The following NRDC variants were observed in gnomAD, a reference collection of about 807,000 sequenced individuals.
The protein encoded by NRDC is nardilysin convertase.
A neutral mutation model predicts 147.1 loss-of-function variants in NRDC; 54 were observed. The ratio of observed to expected loss-of-function variants is 0.37; its 90% CI spans 0.29 to 0.46. The LOEUF (loss-of-function observed/expected upper bound fraction) is 0.46. NRDC is among the 20% of genes least tolerant of loss of function. NRDC has a pLI of 1.00. For missense variants in NRDC, 1,082 were observed against 1,370.6 expected (o/e 0.79, Z 3.33); for synonymous variants, 440 against 482.1 (o/e 0.91, Z 1.14).
intron 1 of NRDC, among the ~76,000 whole-genome samples, chr1:51,841,608 C>T (rs1218995568): frequency 1.3e-5 from 2 of 152,188 alleles, no homozygotes; most frequent in Non-Finnish European, 2.9e-5. Flanking sequence ...CATTCAGCCC[C>T]ATTTATACTA....
intron 4 of NRDC, among the ~76,000 whole-genome samples, chr1:51,829,739 G>C (rs192494374): frequency 2.0e-5 from 3 of 151,720 alleles, no homozygotes; most frequent in African/African-American, 4.8e-5. Context: ...GCTATATTTG[G>C]GTTATATATG....
Position 51,834,034 on chromosome 1 carries a change from G to A in NRDC, c.849C>T (p.Phe283=). Residue 283 remains phenylalanine (F), a synonymous_variant, in exon 4 of 31, where the codon TTC becomes TTT. Transcript: ENST00000352171. ...TTAGTTACCTATCAAGAGCTTCCTT[G>A]AAGTACTTCCTCTGGACATCAAACT... ...VFQFDVQRKY[F]KEALDRWAQF... 6.2e-7 allele frequency: 1 copy of A among 1,613,918 alleles called. No homozygotes were observed. Among genetic ancestry groups the A allele is most frequent in the Non-Finnish European group, 8.5e-7 (1 of 1,179,908 alleles).
intron 6 of NRDC, 74 bp downstream of exon 6, chr1:51,825,213 A>G: frequency 2.9e-6 from 3 of 1,033,804 alleles, no homozygotes; most frequent in Non-Finnish European, 4.3e-6. Flanking sequence ...ATAATTTTCA[A>G]TTCTTTATCA....
intron 1 of NRDC, among the ~76,000 whole-genome samples, chr1:51,848,153 T>C (rs1681746552): frequency 6.6e-6 from 1 of 152,006 alleles, no homozygotes; most frequent in South Asian, 2.1e-4. Context: ...TCCTAATAAA[T>C]GAAAAAAGAT....
chr1:51,813,571 C>T (rs889275112), intron 14 of NRDC, among the ~76,000 whole-genome samples: 3 of 152,182 alleles, frequency 2.0e-5, no homozygotes, highest in Non-Finnish European at 4.4e-5. Context: ...GCTTGGATTA[C>T]AGGCATGAGC....
At chr1:51,825,783 G>A (rs540890923) in intron 5 of NRDC, among the ~76,000 whole-genome samples, 154 of 152,304 alleles carry the variant, frequency 1.0e-3, no homozygotes, top group African/African-American at 3.6e-3. Context: ...AATAAAGTAT[G>A]ATGGCTAAGA....
At chr1:51,866,520 A>C (rs893312804) in intron 1 of NRDC, among the ~76,000 whole-genome samples, 1 of 152,196 alleles carries the variant, frequency 6.6e-6, no homozygotes, top group African/African-American at 2.4e-5. Flanking sequence ...AAAAGAAAAA[A>C]GCTAAATTGT....
chr1:51,875,517 G>C (rs1056564586), intron 1 of NRDC, among the ~76,000 whole-genome samples: 4 of 152,106 alleles, frequency 2.6e-5, no homozygotes, highest in Non-Finnish European at 5.9e-5. Flanking sequence ...ATATATCTAG[G>C]ACATACCTCC....
chr1:51,809,905 CAAA>C (rs1342175582), intron 16 of NRDC, among the ~76,000 whole-genome samples: 2 of 132,998 alleles, frequency 1.5e-5, no homozygotes, highest in Non-Finnish European at 1.6e-5. Context: ...AACTCTGTCT[CAAA>C]AAAAAAAAAG....
At position 51,878,539 on chromosome 1, in the gene NRDC, G is replaced by A; in HGVS notation, c.77C>T (p.Ala26Val). Residue 26 changes from alanine to valine, a missense_variant, in exon 1 of 31, where the codon GCG becomes GTG. Ala to Val is a moderately conservative substitution (Grantham distance 64, BLOSUM62 0). Coordinates refer to ENST00000352171, the MANE Select transcript of NRDC (RefSeq NM_001101662.2). The stretch of plus-strand genomic sequence containing the variant: ...ACCCCGCGTTTCGATTCCCCAGAGC[G>A]CCGCGAGCTCCCGCCCGGCCTCACA... ...KLCEAGRELA[A>V]LWGIETRGRC... 1 of 1,613,646 alleles carries A rather than the reference G, an allele frequency of 6.2e-7. No individual in the cohort carries two copies. Among genetic ancestry groups the A allele is most frequent in the Non-Finnish European group, 8.5e-7 (1 of 1,179,886 alleles).
chr1:51,877,859 T>A, intron 1 of NRDC: 1 of 237,732 alleles, frequency 4.2e-6, no homozygotes, highest in South Asian at 1.2e-4. Flanking sequence ...GTTTCACCTA[T>A]CACTTAAGTG....
chr1:51,843,696 T>G (rs1681388526), intron 1 of NRDC, among the ~76,000 whole-genome samples: 1 of 152,262 alleles, frequency 6.6e-6, no homozygotes, highest in East Asian at 1.9e-4. Context: ...ATTATTTTCC[T>G]CCCTTACACA....
At chr1:51,826,455 G>A (rs144335209) in intron 5 of NRDC, among the ~76,000 whole-genome samples, 102 of 152,268 alleles carry the variant, frequency 6.7e-4, no homozygotes, top group African/African-American at 2.3e-3. Flanking sequence ...CATTAAAAAT[G>A]AAGAAGTAAG....
chr1:51,822,861 C>A (rs1332934669), intron 7 of NRDC, among the ~76,000 whole-genome samples: 1 of 152,146 alleles, frequency 6.6e-6, no homozygotes, highest in South Asian at 2.1e-4. Context: ...AAATGTTTTA[C>A]ATCTAAGAGC....
intron 1 of NRDC, among the ~76,000 whole-genome samples, chr1:51,846,692 CACCA>C (rs1681628441): frequency 6.6e-6 from 1 of 152,196 alleles, no homozygotes; most frequent in Admixed American, 6.5e-5. Flanking sequence ...AAAAAGTGAA[CACCA>C]ACAAGATTTA....
At chr1:51,795,028 G>C in intron 22 of NRDC, 174 bp from the exon 23 acceptor site, 1 of 1,476,054 alleles carries the variant, frequency 6.8e-7, no homozygotes, top group South Asian at 1.3e-5. Flanking sequence ...AAGATTGATT[G>C]TGTTTGTGGA....
intron 3 of NRDC, among the ~76,000 whole-genome samples, chr1:51,834,444 T>G (rs1036562428): frequency 4.6e-5 from 7 of 151,466 alleles, no homozygotes; most frequent in African/African-American, 1.2e-4. Context: ...GCCTCCCAAG[T>G]AGCTGGATTA....
intron 1 of NRDC, among the ~76,000 whole-genome samples, chr1:51,845,896 T>G (rs1350247929): frequency 6.6e-6 from 1 of 152,066 alleles, no homozygotes; most frequent in African/African-American, 2.4e-5. Context: ...GGGGACCTGA[T>G]ACATAGTAGG....
At chr1:51,796,442 G>GT (rs1678916800) in intron 22 of NRDC, among the ~76,000 whole-genome samples, 1 of 152,072 alleles carries the variant, frequency 6.6e-6, no homozygotes, top group Non-Finnish European at 1.5e-5. Flanking sequence ...TTTTCACCAT[G>GT]TTGGCCAGGC....
Sources: gnomAD v4.1 joint callset for allele counts (sites outside exome capture counted in the v4.1 genomes callset) on GRCh38, gnomAD v4.1.1 for gene constraint, MANE v1.5 for transcripts, NCBI Gene and HGNC (gene_info 2026-07-23, HGNC 2026-07-21) for gene names.